Variants in HSPG2 observed in about 807,000 individuals in gnomAD.
The protein encoded by HSPG2 is heparan sulfate proteoglycan 2.
Under a neutral mutation model 526.6 loss-of-function variants are expected in HSPG2, and 278 were observed. The ratio of observed to expected loss-of-function variants is 0.53; its 90% CI spans 0.48 to 0.58. The LOEUF is 0.58. HSPG2 is among the 20% of genes least tolerant of loss of function. The pLI is 0.00. For synonymous variants in HSPG2, 2,465 were observed against 2,555.4 expected (o/e 0.96, Z 1.07); for missense variants, 5,354 against 6,099.5 (o/e 0.88, Z 4.07).
At chr1:21,844,008 T>G (rs1041665728) in intron 65 of HSPG2, 140 bp downstream of exon 65, 9 of 1,178,594 alleles carry the variant, frequency 7.6e-6, no homozygotes, top group Non-Finnish European at 6.1e-6. Flanking sequence ...CAGCCCGCTC[T>G]CAACTTCCTG....
chr1:21,894,960 G>C lies in HSPG2; in HGVS notation c.244+962C>G, dbSNP rs78251011. On this transcript the variant is annotated intron_variant, in intron 3 of 96. Coordinates refer to ENST00000374695, the MANE Select transcript of HSPG2 (RefSeq NM_005529.7). ...CTCTGGGAGGTCACAGTCAGGACCA[G>C]GTTACCCAGTGACCTACCCTCCTGT... Among the ~76,000 whole-genome samples the C allele has an allele frequency of 0.017, 2,605 of 152,314 alleles. 117 individuals carry two copies. In the East Asian group the frequency reaches 0.19, roughly 11 times the overall value.
At position 21,864,844 on chromosome 1, in the gene HSPG2, T is replaced by C; in HGVS notation, c.4625A>G (p.Gln1542Arg). 6.2e-7 allele frequency: 1 copy of C among 1,609,052 alleles called. No homozygotes were observed. The highest frequency in any genetic ancestry group is 8.5e-7 in the Non-Finnish European group (1 of 1,178,554). ...TGGTGGAGCTGGCCACACACTCACC[T>C]GGCAGGACAGACCGATGTAGCCTGG... ...CPPGYIGLSC[Q>R]DCAPGYTRTG... Residue 1542 changes from glutamine (Q) to arginine (R), a missense_variant and splice_region_variant, in exon 36 of 97, where the codon CAG (glutamine) becomes CGG (arginine). Coordinates refer to ENST00000374695, the MANE Select transcript of HSPG2 (RefSeq NM_005529.7). This position sits in a 1 kb window ranked among gnomAD's most constrained non-coding sequence, Gnocchi z 4.8.
intron 57 of HSPG2, among the ~76,000 whole-genome samples, chr1:21,849,273 G>T (rs749185201): frequency 6.6e-6 from 1 of 152,224 alleles, no homozygotes; most frequent in African/African-American, 2.4e-5. Flanking sequence ...GTGGGGACCA[G>T]TGTTTGTTGA....
Position 21,867,134 on chromosome 1 carries a change from T to TTTA in HSPG2, c.4222-1326_4222-1325insTAA, listed in dbSNP as rs55993506. Among the ~76,000 whole-genome samples, 43 of 150,558 alleles carry TTTA rather than the reference T, an allele frequency of 2.9e-4. 1 individual carries two copies. The highest frequency in any genetic ancestry group is 7.8e-4 in the East Asian group (4 of 5,152). ...TTGCTCAGGCACTTTTTTTTTTTTTTAAATAGAGATGGGGTCTCCCTATGT... is the reference window on the plus strand; with the variant it reads ...TTGCTCAGGCACTTTTTTTTTTTTTTTTAAAATAGAGATGGGGTCTCCCTATGT... On this transcript the variant is annotated intron_variant, in intron 33 of 96. Transcript: ENST00000374695.
At chr1:21,841,395 G>A (rs1188236198) in intron 70 of HSPG2, 110 bp from the exon 71 acceptor site, 1 of 1,548,752 alleles carries the variant, frequency 6.5e-7, no homozygotes, top group Non-Finnish European at 8.9e-7. Flanking sequence ...TCTCCCCACT[G>A]CACTGAGGTG....
At chr1:21,825,128 T>G (rs2097966664) in intron 91 of HSPG2, 1 of 357,062 alleles carries the variant, frequency 2.8e-6, no homozygotes, top group Non-Finnish European at 5.4e-6. Context: ...TTACACATAT[T>G]GCTGCTTTGA....
At chr1:21,829,699 C>T in intron 86 of HSPG2, 95 bp from the exon 87 acceptor site, 1 of 1,107,010 alleles carries the variant, frequency 9.0e-7, no homozygotes, top group South Asian at 1.5e-5. Flanking sequence ...TTGCCTGCCT[C>T]ACTCTCCAGG....
Position 21,846,488 on chromosome 1 carries a change from G to A in HSPG2, c.8276C>T (p.Thr2759Ile), listed in dbSNP as rs1399995599. The A allele has an allele frequency of 6.2e-7, 1 of 1,613,740 alleles. No individual in the cohort carries two copies. The highest frequency in any genetic ancestry group is 1.1e-5 in the South Asian group (1 of 91,090). ...VVPGQAHAQVTWHKRGGSLPS... is the reference protein window; with the variant it reads ...VVPGQAHAQVIWHKRGGSLPS... ...GAGGCTGCCCCCACGCTTGTGCCAA[G>A]TGACCTGGGCATGGGCCTGCCCGGG... is the stretch of plus-strand genomic sequence containing the variant. Residue 2759 changes from threonine to isoleucine, a missense_variant, in exon 63 of 97, where the codon ACT becomes ATT. Coordinates refer to ENST00000374695, the MANE Select transcript of HSPG2 (RefSeq NM_005529.7).
chr1:21,827,753 C>T, intron 91 of HSPG2, 110 bp downstream of exon 91: 1 of 1,124,208 alleles, frequency 8.9e-7, no homozygotes, highest in Non-Finnish European at 1.3e-6. Flanking sequence ...CTCTGCCCAG[C>T]AAGCTCCTCA....
chr1:21,887,758 C>G lies in HSPG2; in HGVS notation c.704-84G>C. 1.3e-6 allele frequency: 2 copies of G among 1,590,862 alleles called. No homozygotes were observed. Among genetic ancestry groups the G allele is most frequent in the Non-Finnish European group, 1.7e-6 (2 of 1,160,282 alleles). On this transcript the variant is annotated intron_variant, in intron 7 of 96. Coordinates refer to ENST00000374695, the MANE Select transcript of HSPG2 (RefSeq NM_005529.7). This position sits in a 1 kb window ranked among gnomAD's most constrained non-coding sequence, Gnocchi z 5.0. ...GTCCCCAACCCTCCCCAGGCCCACC[C>G]TGTACTCCCCAACACCACTCCCTGC...
Position 21,832,613 on chromosome 1 carries a change from G to A in HSPG2, c.11096-7C>T. The A allele has an allele frequency of 6.2e-7, 1 of 1,611,504 alleles. No homozygotes were observed. The highest frequency in any genetic ancestry group is 8.5e-7 in the Non-Finnish European group (1 of 1,177,822). ...CCATTGTACAGCAGCATCCCTGGGT[G>A]GGCACCACTGTGTAAGGGGCCCCCT... On this transcript the variant is annotated splice_polypyrimidine_tract_variant and splice_region_variant and intron_variant, in intron 80 of 96. Transcript: ENST00000374695.
rs960359169 is a variant in HSPG2 at position 21,833,379 on chromosome 1, C to A, written c.10984G>T (p.Val3662Leu). 1.9e-6 allele frequency: 3 copies of A among 1,614,020 alleles called. No individual in the cohort carries two copies. The highest frequency in any genetic ancestry group is 2.5e-6 in the Non-Finnish European group (3 of 1,180,002). Reference sequence around the variant, plus strand: ...GGGGTCTGCGTGAAGTAGGGCACCACCCGCTCTGCCAGCAGAGAGCACAGC... The same window carrying A: ...GGGGTCTGCGTGAAGTAGGGCACCAACCGCTCTGCCAGCAGAGAGCACAGC... Reference protein sequence around the residue: ...AFAHLQVPERVVPYFTQTPYS... With the variant: ...AFAHLQVPERLVPYFTQTPYS... Residue 3662 changes from valine to leucine, a missense_variant, in exon 80 of 97, where the codon GTG (valine) becomes TTG (leucine). Physicochemically the swap from Val to Leu is conservative, Grantham distance 32. Transcript: ENST00000374695.
At chr1:21,933,193 C>G (rs1312476063) in intron 1 of HSPG2, among the ~76,000 whole-genome samples, 2 of 150,376 alleles carry the variant, frequency 1.3e-5, no homozygotes, top group African/African-American at 4.9e-5. Flanking sequence ...GCACTCCAGC[C>G]TGGGTGACAG....
chr1:21,868,917 A>C, intron 33 of HSPG2: 1 of 983,162 alleles, frequency 1.0e-6, no homozygotes, highest in Non-Finnish European at 1.2e-6. Context: ...GGCAGCTGCC[A>C]GTAATAGAGG....
intron 95 of HSPG2, 83 bp from the exon 96 acceptor site, chr1:21,823,802 T>A: frequency 2.9e-6 from 3 of 1,046,320 alleles, no homozygotes; most frequent in Non-Finnish European, 4.4e-6. Context: ...CCCTCTGATA[T>A]CGAGACTCCA....
intron 1 of HSPG2, chr1:21,908,092 G>A (rs1265658579): frequency 5.1e-6 from 4 of 782,728 alleles, no homozygotes; most frequent in Admixed American, 1.7e-5. Flanking sequence ...CCAGTAATTC[G>A]CCAAAATGAC....
intron 52 of HSPG2, 75 bp downstream of exon 52, chr1:21,852,625 G>T: frequency 2.5e-6 from 4 of 1,597,366 alleles, no homozygotes; most frequent in South Asian, 1.1e-5. Flanking sequence ...GTCAGCAAGA[G>T]GGGTCCCTTG....
chr1:21,901,466 G>A (rs1262853109), intron 1 of HSPG2, among the ~76,000 whole-genome samples: 4 of 152,046 alleles, frequency 2.6e-5, no homozygotes. Flanking sequence ...CTGGCTGAGT[G>A]GGCAGGACCC....
Position 21,848,881 on chromosome 1 carries a change from C to G in HSPG2, c.7585+12G>C. 5 of 1,613,624 alleles carry G rather than the reference C, an allele frequency of 3.1e-6. No individual in the cohort carries two copies. The highest frequency in any genetic ancestry group is 4.2e-6 in the Non-Finnish European group (5 of 1,180,004). On this transcript the variant is annotated intron_variant, in intron 58 of 96. Coordinates refer to ENST00000374695, the MANE Select transcript of HSPG2 (RefSeq NM_005529.7). This position sits in a 1 kb window ranked among gnomAD's most constrained non-coding sequence, Gnocchi z 4.9. ...AGCCCTCCACCATTTGCATGACCCC[C>G]GAGACACTCACAGTGGGAGCCACTA...
Sources: allele counts gnomAD v4.1 joint callset (sites outside exome capture counted in the v4.1 genomes callset), GRCh38; gene constraint gnomAD v4.1.1; non-coding constraint Gnocchi (gnomAD v3.1); transcripts MANE v1.5; gene names NCBI Gene and HGNC (gene_info 2026-07-23, HGNC 2026-07-21).